Variants in UNC5B observed in about 807,000 individuals in gnomAD.
The protein encoded by UNC5B is netrin receptor UNC5B.
In UNC5B, 56 loss-of-function variants were observed where a neutral mutation model predicts 103.7. That is an observed-to-expected ratio of 0.54 (90% CI 0.44 to 0.67). The LOEUF (loss-of-function observed/expected upper bound fraction) is 0.67. UNC5B is among the 30% of genes least tolerant of loss of function. The pLI, the probability that UNC5B is intolerant of heterozygous loss-of-function variation, is 0.00. For synonymous variants in UNC5B, 577 were observed against 542.0 expected, an observed-to-expected ratio of 1.06 and a Z score of -0.90; for missense variants, 1,194 against 1,284.5, an observed-to-expected ratio of 0.93 and a Z score of 1.08.
At position 71,277,943 on chromosome 10, in the gene UNC5B, G is replaced by A. The variant is rs938694859; in HGVS notation, c.80-1878G>A. 3.3e-5 allele frequency among the ~76,000 whole-genome samples: 5 copies of A among 152,204 alleles called. No homozygotes were observed. The East Asian group carries it at 5.8e-4, about 18-fold the overall frequency. ...CAGGGTGCTATTAGGATTCCTGGGT[G>A]TGGAGACACCTACACCATTACAGAG... is the stretch of plus-strand genomic sequence containing the variant. On this transcript the variant is annotated intron_variant, in intron 1 of 16. Coordinates refer to ENST00000335350, the MANE Select transcript of UNC5B (RefSeq NM_170744.5).
chr10:71,297,611 T>A (rs1845474961), intron 15 of UNC5B, among the ~76,000 whole-genome samples: 1 of 152,236 alleles, frequency 6.6e-6, no homozygotes, highest in Admixed American at 6.5e-5. Context: ...AGAGGGTGCA[T>A]GTGGATTAGA....
At chr10:71,236,591 G>A (rs1223676813) in intron 1 of UNC5B, among the ~76,000 whole-genome samples, 17 of 152,138 alleles carry the variant, frequency 1.1e-4, no homozygotes. Flanking sequence ...CTCAGAGCTG[G>A]GACCCAGGGC....
rs868531794 is a variant in UNC5B, at chr10:71,302,598, A to C, written c.*3321A>C. ...CAGGGCACTCTGGTCCCTATTCCCC[A>C]GCTCCTAGGCAGCTGAGCCGGGTCC... On this transcript the variant is annotated 3_prime_UTR_variant, in exon 17 of 17. Coordinates refer to ENST00000335350, the MANE Select transcript of UNC5B (RefSeq NM_170744.5). 3 of 151,280 alleles carry C rather than the reference A, an allele frequency of 2.0e-5. No homozygotes were observed. The highest frequency in any genetic ancestry group is 2.9e-5 in the Non-Finnish European group (2 of 67,972). 9.4% of individuals were successfully genotyped at this position (151,280 alleles called of 1,614,324 possible).
chr10:71,223,825 A>G (rs1004979097), intron 1 of UNC5B, among the ~76,000 whole-genome samples: 1 of 152,058 alleles, frequency 6.6e-6, no homozygotes, highest in South Asian at 2.1e-4. Context: ...GTGAGGCCTG[A>G]GAGCAAGTGT....
intron 7 of UNC5B, 97 bp downstream of exon 7, chr10:71,288,829 G>A: frequency 6.4e-7 from 1 of 1,551,670 alleles, no homozygotes; most frequent in Non-Finnish European, 8.8e-7. Context: ...CCAGCCTGCA[G>A]CACGGCAGTC....
intron 1 of UNC5B, among the ~76,000 whole-genome samples, chr10:71,216,547 A>G (rs1021176658): frequency 3.9e-5 from 6 of 152,118 alleles, no homozygotes; most frequent in Non-Finnish European, 7.4e-5. Flanking sequence ...CTTGGGCTGC[A>G]TGGCCAAATA....
rs1269416203 is a variant in UNC5B at position 71,284,881 on chromosome 10, C to A, written c.448+18C>A. On this transcript the variant is annotated intron_variant, in intron 3 of 16. Transcript: ENST00000335350. ...CATCGCCTGTACGCCACCCTGACCC[C>A]CACCCTGTCCCTGCAGGAACCTTCC... 1.3e-6 allele frequency: 2 copies of A among 1,572,984 alleles called. No individual in the cohort carries two copies. The highest frequency in any genetic ancestry group is 4.5e-5 in the East Asian group (2 of 44,592).
At chr10:71,242,698 C>T (rs953103188) in intron 1 of UNC5B, among the ~76,000 whole-genome samples, 6 of 152,240 alleles carry the variant, frequency 3.9e-5, no homozygotes, top group African/African-American at 1.4e-4. Context: ...TGCCCAGTGC[C>T]CTCTCCTGCC....
At chr10:71,277,580 G>A (rs987620414) in intron 1 of UNC5B, among the ~76,000 whole-genome samples, 3 of 152,216 alleles carry the variant, frequency 2.0e-5, no homozygotes, top group African/African-American at 7.2e-5. Flanking sequence ...CAGCTCTCAG[G>A]CCACTGAAAG....
intron 1 of UNC5B, among the ~76,000 whole-genome samples, chr10:71,269,342 G>GT (rs1844592043): frequency 2.0e-5 from 1 of 49,108 alleles, no homozygotes; most frequent in Non-Finnish European, 5.9e-5. Flanking sequence ...GAAAAATGAA[G>GT]TCCCCCCCCC....
rs79293534 is a variant in UNC5B at position 71,259,936 on chromosome 10, G to T, written c.80-19885G>T. Among the ~76,000 whole-genome samples the T allele has an allele frequency of 4.1e-3, 632 of 152,322 alleles. 5 individuals are homozygous for T. Among genetic ancestry groups the T allele is most frequent in the African/African-American group, 0.014 (600 of 41,568 alleles). ...CGGAGTCTGCCCATCGTGGCTGTGG[G>T]AACACTGCCTGCTGGGGACAGTGCC... On this transcript the variant is annotated intron_variant, in intron 1 of 16. Transcript: ENST00000335350.
chr10:71,269,274 A>G (rs1844590309), intron 1 of UNC5B, among the ~76,000 whole-genome samples: 1 of 151,112 alleles, frequency 6.6e-6, no homozygotes, highest in Admixed American at 6.6e-5. Context: ...CAGTGAGGCT[A>G]CTACCTTTGT....
intron 1 of UNC5B, among the ~76,000 whole-genome samples, chr10:71,241,607 A>T (rs758942852): frequency 6.6e-5 from 10 of 152,060 alleles, no homozygotes; most frequent in Non-Finnish European, 1.0e-4. Flanking sequence ...TGGGAGGCTG[A>T]GCTGTACTTG....
In UNC5B at chr10:71,299,101, C is replaced by T. The variant is rs1663688540; in HGVS notation, c.2673-11C>T. On this transcript the variant is annotated splice_polypyrimidine_tract_variant and intron_variant, in intron 16 of 16. Coordinates refer to ENST00000335350, the MANE Select transcript of UNC5B (RefSeq NM_170744.5). ...GCTTGGGAACCTCAGTGCCCTCCTT[C>T]CCTCTGCCAGGTACCTGAATTACTT... 1.9e-6 allele frequency: 3 copies of T among 1,613,940 alleles called. No individual in the cohort carries two copies. The highest frequency in any genetic ancestry group is 1.3e-5 in the African/African-American group (1 of 74,952).
At chr10:71,234,606 C>A (rs1227322337) in intron 1 of UNC5B, among the ~76,000 whole-genome samples, 1 of 152,250 alleles carries the variant, frequency 6.6e-6, no homozygotes, top group East Asian at 1.9e-4. Flanking sequence ...ACACACCTTC[C>A]CTTTGCAAGG....
intron 1 of UNC5B, among the ~76,000 whole-genome samples, chr10:71,269,923 C>T (rs1168369858): frequency 1.3e-5 from 2 of 152,024 alleles, no homozygotes; most frequent in Non-Finnish European, 2.9e-5. Flanking sequence ...AAGAGTCAGC[C>T]AAGAGAATAT....
At chr10:71,270,472 G>A (rs1374376332) in intron 1 of UNC5B, among the ~76,000 whole-genome samples, 1 of 152,168 alleles carries the variant, frequency 6.6e-6, no homozygotes. Flanking sequence ...GAAGCCGCAG[G>A]AGGCTGTACA....
chr10:71,250,030 C>A (rs138890245), intron 1 of UNC5B, among the ~76,000 whole-genome samples: 1,974 of 152,362 alleles, frequency 0.013, 49 homozygotes, highest in African/African-American at 0.044. Flanking sequence ...AGGTGCCCAT[C>A]TCTGTGCCTC....
chr10:71,227,623 T>C (rs866635178), intron 1 of UNC5B, among the ~76,000 whole-genome samples: 18 of 143,232 alleles, frequency 1.3e-4, no homozygotes, highest in East Asian at 1.0e-3. Flanking sequence ...TATATATACA[T>C]ATATACATAT....
Sources: allele counts gnomAD v4.1 joint callset (sites outside exome capture counted in the v4.1 genomes callset), GRCh38; gene constraint gnomAD v4.1.1; transcripts MANE v1.5; gene names NCBI Gene and HGNC (gene_info 2026-07-23, HGNC 2026-07-21).